The following ACP7 variants were observed in gnomAD, a reference collection of about 807,000 sequenced individuals.
ACP7 encodes the protein acid phosphatase 7, tartrate resistant (putative).
In ACP7, 58 loss-of-function variants were observed where a neutral mutation model predicts 60.6. The ratio of observed to expected loss-of-function variants is 0.96; its 90% CI spans 0.77 to 1.19. ACP7 has a LOEUF of 1.19. Ranked by LOEUF, ACP7 falls within the 50% of genes most tolerant of loss-of-function variation. The pLI is 0.00. For missense variants in ACP7, 574 were observed against 596.2 expected (o/e 0.96, Z 0.39); for synonymous variants, 237 against 232.6 (o/e 1.02, Z -0.17).
chr19:39,094,197 C>A (rs1047591770), intron 2 of ACP7, among the ~76,000 whole-genome samples: 1 of 151,912 alleles, frequency 6.6e-6, no homozygotes, highest in African/African-American at 2.4e-5. Flanking sequence ...ATATAAAAAC[C>A]ACTGTGTAAA....
At position 39,098,553 on chromosome 19, in the gene ACP7, C is replaced by G. The variant is rs370680976; in HGVS notation, c.217C>G (p.Arg73Gly). ...GCAGCCGTCGGGGCCCCTGCCCCTC[C>G]GCGCCCAGGGCACCTTCGTCCCCTT... Reference protein sequence around the residue: ...GLQPSGPLPLRAQGTFVPFVD... With the variant: ...GLQPSGPLPLGAQGTFVPFVD... Residue 73 changes from arginine to glycine, a missense_variant, in exon 3 of 13, where the codon CGC (arginine) becomes GGC (glycine). Physicochemically the swap from Arg to Gly is moderately radical, Grantham distance 125. Transcript: ENST00000331256. 101 of 1,613,224 alleles carry G rather than the reference C, an allele frequency of 6.3e-5. No individual in the cohort carries two copies. Among genetic ancestry groups the G allele is most frequent in the Non-Finnish European group, 7.8e-5 (92 of 1,179,710 alleles).
intron 2 of ACP7, 121 bp downstream of exon 2, chr19:39,085,511 C>T (rs2073131645): frequency 7.7e-7 from 1 of 1,305,950 alleles, no homozygotes; most frequent in African/African-American, 1.5e-5. Flanking sequence ...CCTCCTGAGC[C>T]TCCATCATCC....
chr19:39,107,389 T>C (rs2073422415), intron 12 of ACP7, among the ~76,000 whole-genome samples: 1 of 151,696 alleles, frequency 6.6e-6, no homozygotes, highest in Admixed American at 6.6e-5. Context: ...GAGACCATCC[T>C]GGCTAACATG....
Position 39,099,183 on chromosome 19 carries a change from C to T in ACP7, c.505+41C>T, listed in dbSNP as rs778318559. 6 of 1,458,656 alleles carry T rather than the reference C, an allele frequency of 4.1e-6. No individual in the cohort carries two copies. The African/African-American group carries it at 4.4e-5, about 11-fold the overall frequency. The allele number at this position is 1,458,656 out of a possible 1,614,324, so 90.4% of individuals were successfully genotyped here. A position where few individuals can be genotyped will look rare whatever the true frequency, so the allele number is the denominator to read the frequency against. On this transcript the variant is annotated intron_variant, in intron 4 of 12. Coordinates refer to ENST00000331256, the MANE Select transcript of ACP7 (RefSeq NM_001004318.3). The stretch of plus-strand genomic sequence containing the variant: ...GGGCGCGCGCAGGGACGGTGGGGGG[C>T]GCGCGCAGGGATGGTGGGGGGCGCG...
chr19:39,093,866 G>T (rs2073237625), intron 2 of ACP7, among the ~76,000 whole-genome samples: 1 of 151,990 alleles, frequency 6.6e-6, no homozygotes, highest in Admixed American at 6.6e-5. Context: ...GCTTTTTTTG[G>T]TTTAACAATA....
chr19:39,087,511 G>T (rs1390240678), intron 2 of ACP7, among the ~76,000 whole-genome samples: 1 of 151,928 alleles, frequency 6.6e-6, no homozygotes, highest in East Asian at 1.9e-4. Flanking sequence ...TTTGGCACTG[G>T]AGTGCAGTAG....
At chr19:39,102,988 C>G (rs890529118) in intron 11 of ACP7, among the ~76,000 whole-genome samples, 1 of 151,828 alleles carries the variant, frequency 6.6e-6, no homozygotes, top group Admixed American at 6.6e-5. Flanking sequence ...CAGGTGCCCA[C>G]CCCCATGCCC....
At position 39,106,819 on chromosome 19, in the gene ACP7, C is replaced by A. The variant is rs113978475; in HGVS notation, c.1114-128C>A. The A allele has an allele frequency of 4.3e-6, 5 of 1,166,642 alleles. No homozygotes were observed. In the Admixed American group the frequency reaches 1.1e-4, roughly 26 times the overall value. 72.3% of individuals were successfully genotyped at this position (1,166,642 alleles called of 1,614,324 possible). A position where few individuals can be genotyped will look rare whatever the true frequency, so the allele number is the denominator to read the frequency against. On this transcript the variant is annotated intron_variant, in intron 11 of 12. Transcript: ENST00000331256. ...AATTACAGGCATGAGCCACTGCGCC[C>A]GGCCTCTATGGTGGTCAAGTCTTCA...
intron 2 of ACP7, among the ~76,000 whole-genome samples, chr19:39,095,448 A>G (rs2073254746): frequency 6.6e-6 from 1 of 152,220 alleles, no homozygotes; most frequent in Non-Finnish European, 1.5e-5. Flanking sequence ...CAGGCCTCAC[A>G]TGCAGGTCTC....
intron 12 of ACP7, 84 bp downstream of exon 12, chr19:39,107,168 C>G: frequency 7.3e-7 from 1 of 1,371,936 alleles, no homozygotes; most frequent in Non-Finnish European, 9.6e-7. Flanking sequence ...TGGGCTCGGC[C>G]GGGCGCAGTG....
At position 39,085,273 on chromosome 19, in the gene ACP7, C is replaced by T. The variant is rs1186317544; in HGVS notation, c.4C>T (p.His2Tyr). The change falls in exon 2 of 13, where the codon CAC becomes TAC. Residue 2 changes from histidine to tyrosine, a missense_variant. His to Tyr is a moderately conservative substitution (Grantham distance 83, BLOSUM62 2). Transcript: ENST00000331256. MHPLPGYWSCYC... is the reference protein window; with the variant it reads MYPLPGYWSCYC... ...CTGCCATCACCACCCCACCACCATG[C>T]ACCCCCTTCCTGGCTACTGGTCCTG... 3.1e-6 allele frequency: 5 copies of T among 1,612,098 alleles called. No homozygotes were observed. The highest frequency in any genetic ancestry group is 2.7e-5 in the African/African-American group (2 of 74,882).
intron 2 of ACP7, among the ~76,000 whole-genome samples, chr19:39,091,216 A>T (rs1238432186): frequency 1.4e-5 from 2 of 147,884 alleles, no homozygotes; most frequent in Non-Finnish European, 3.0e-5. Flanking sequence ...AGGCTGGAGT[A>T]CAGTGGCGTG....
In ACP7 at chr19:39,091,264, G is replaced by A. The variant is rs1179437371; in HGVS notation, c.121+5874G>A. Among the ~76,000 whole-genome samples, 4 of 151,702 alleles carry A rather than the reference G, an allele frequency of 2.6e-5. No individual in the cohort carries two copies. In the South Asian group the frequency reaches 8.3e-4, roughly 32 times the overall value. On this transcript the variant is annotated intron_variant, in intron 2 of 12. Coordinates refer to ENST00000331256, the MANE Select transcript of ACP7 (RefSeq NM_001004318.3). ...AGCAACCTCCGCCTCCTGGGTTCAA[G>A]CGATTCTCCTGCCTCAGCCTCCCAA...
chr19:39,089,315 G>A (rs1281385456), intron 2 of ACP7, among the ~76,000 whole-genome samples: 1 of 151,676 alleles, frequency 6.6e-6, no homozygotes, highest in Non-Finnish European at 1.5e-5. Context: ...TGATCCACCC[G>A]CCTCGGCCTC....
At position 39,105,678 on chromosome 19, in the gene ACP7, G is replaced by A. The variant is rs1056528899; in HGVS notation, c.1114-1269G>A. Among the ~76,000 whole-genome samples, 8 of 151,944 alleles carry A rather than the reference G, an allele frequency of 5.3e-5. No individual in the cohort carries two copies. The South Asian group carries it at 1.5e-3, about 28-fold the overall frequency. On this transcript the variant is annotated intron_variant, in intron 11 of 12. Transcript: ENST00000331256. ...TGGGATTACAGGCATGCACCACCAC[G>A]CCCAGCTAATTTTTGTATTGACAGG... is the stretch of plus-strand genomic sequence containing the variant.
Position 39,099,108 on chromosome 19 carries a change from C to A in ACP7, c.471C>A (p.Thr157=). Residue 157 remains threonine, a synonymous_variant, in exon 4 of 13, where the codon ACC becomes ACA. Coordinates refer to ENST00000331256, the MANE Select transcript of ACP7 (RefSeq NM_001004318.3). ...PKAVPRLRRD[T]QQGMYDAVLH... is the part of the protein sequence containing the mutation. ...CCGTCCCCCGGCTGCGCAGGGACAC[C>A]CAGCAGGGCATGTATGACGCCGTTC... 1 of 1,590,758 alleles carries A rather than the reference C, an allele frequency of 6.3e-7. No individual in the cohort carries two copies. The highest frequency in any genetic ancestry group is 8.5e-7 in the Non-Finnish European group (1 of 1,170,434).
At chr19:39,105,868 C>A (rs112797456) in intron 11 of ACP7, among the ~76,000 whole-genome samples, 1 of 152,134 alleles carries the variant, frequency 6.6e-6, no homozygotes, top group Non-Finnish European at 1.5e-5. Flanking sequence ...AAGTGTGGTA[C>A]GGATGGGTCT....
chr19:39,106,008 C>T (rs1340987214), intron 11 of ACP7, among the ~76,000 whole-genome samples: 1 of 152,184 alleles, frequency 6.6e-6, no homozygotes, highest in East Asian at 1.9e-4. Context: ...TGAGACTATG[C>T]AAACATCCTG....
chr19:39,085,737 T>C (rs568404592), intron 2 of ACP7, among the ~76,000 whole-genome samples: 7 of 152,324 alleles, frequency 4.6e-5, no homozygotes, highest in African/African-American at 1.7e-4. Context: ...AGTGGATGAA[T>C]GATAACAGAG....
Sources: allele counts gnomAD v4.1 joint callset (sites outside exome capture counted in the v4.1 genomes callset), GRCh38; gene constraint gnomAD v4.1.1; transcripts MANE v1.5; gene names NCBI Gene and HGNC (gene_info 2026-07-23, HGNC 2026-07-21).